Variants in WDR93 observed in about 807,000 individuals in gnomAD.
The protein encoded by WDR93 is WD repeat-containing protein 93.
A neutral mutation model predicts 82.9 loss-of-function variants in WDR93; 73 were observed. The observed-to-expected ratio is 0.88, with a 90% CI of 0.73 to 1.07. The LOEUF (loss-of-function observed/expected upper bound fraction) is 1.07, where lower values mean the gene tolerates loss of function less well. WDR93 is among the 50% of genes least tolerant of loss of function. The pLI, the probability that WDR93 is intolerant of heterozygous loss-of-function variation, is 0.00. For synonymous variants in WDR93, 283 were observed against 300.1 expected (o/e 0.94, Z 0.59); for missense variants, 738 against 826.0 (o/e 0.89, Z 1.31).
chr15:89,720,872 A>G (rs1051095921), intron 7 of WDR93, among the ~76,000 whole-genome samples: 8 of 152,164 alleles, frequency 5.3e-5, no homozygotes, highest in African/African-American at 1.9e-4. Flanking sequence ...TATCCTTACT[A>G]TATTCTTACT....
intron 8 of WDR93, among the ~76,000 whole-genome samples, chr15:89,726,020 G>T (rs1966724212): frequency 6.6e-6 from 1 of 152,188 alleles, no homozygotes; most frequent in Non-Finnish European, 1.5e-5. Flanking sequence ...CAACAATGAA[G>T]AGGATCTATA....
chr15:89,690,384 T>G (rs569215617), upstream of WDR93, among the ~76,000 whole-genome samples: 2 of 151,954 alleles, frequency 1.3e-5, no homozygotes. Context: ...GGGACGCGGG[T>G]GCGTTGGGCC....
At chr15:89,700,169 C>T (rs892556435) in intron 1 of WDR93, among the ~76,000 whole-genome samples, 2 of 152,120 alleles carry the variant, frequency 1.3e-5, no homozygotes, top group Non-Finnish European at 2.9e-5. Flanking sequence ...TTCCCACGAC[C>T]GAGGCAAGAT....
At chr15:89,705,150 T>C (rs756124855) in intron 3 of WDR93, 82 of 197,140 alleles carry the variant, frequency 4.2e-4, no homozygotes, top group Admixed American at 2.9e-3. Context: ...CAGTGAGCTA[T>C]GATCTTTCCC....
At chr15:89,706,413 C>T (rs1446792613) in intron 4 of WDR93, among the ~76,000 whole-genome samples, 1 of 151,958 alleles carries the variant, frequency 6.6e-6, no homozygotes, top group Admixed American at 6.6e-5. Flanking sequence ...CTGCCTCAGC[C>T]TCCCAAAGTA....
At position 89,722,106 on chromosome 15, in the gene WDR93, A is replaced by T; in HGVS notation, c.847A>T (p.Ile283Leu). The change falls in exon 8 of 17, where the codon ATA becomes TTA. Residue 283 changes from isoleucine to leucine, a missense_variant. Transcript: ENST00000268130. ...GDIKLSLPVY[I>L]MKIKPPKPVT... Reference sequence around the variant, plus strand: ...CATTAAATTGAGTCTTCCAGTTTACATAATGAAGATCAAACCACCTAAGCC... The same window carrying T: ...CATTAAATTGAGTCTTCCAGTTTACTTAATGAAGATCAAACCACCTAAGCC... 6.2e-7 allele frequency: 1 copy of T among 1,608,926 alleles called. No individual in the cohort carries two copies. Among genetic ancestry groups the T allele is most frequent in the Non-Finnish European group, 8.5e-7 (1 of 1,178,428 alleles).
intron 1 of WDR93, among the ~76,000 whole-genome samples, chr15:89,693,552 C>A (rs1272975678): frequency 6.6e-6 from 1 of 152,176 alleles, no homozygotes; most frequent in Non-Finnish European, 1.5e-5. Context: ...CCCTAAAAGT[C>A]TGAGAAAGCT....
At chr15:89,710,827 T>G (rs1220593582) in intron 4 of WDR93, among the ~76,000 whole-genome samples, 1 of 152,228 alleles carries the variant, frequency 6.6e-6, no homozygotes, top group Non-Finnish European at 1.5e-5. Flanking sequence ...TTCTGAAAAC[T>G]GATAAGGGAA....
At chr15:89,737,414 G>C (rs1967290739) in intron 14 of WDR93, among the ~76,000 whole-genome samples, 159 bp from the exon 15 acceptor site, 1 of 152,202 alleles carries the variant, frequency 6.6e-6, no homozygotes, top group African/African-American at 2.4e-5. Context: ...ACATGTGTGT[G>C]CAGGTCTCCA....
chr15:89,732,112 G>C (rs1295395596), intron 12 of WDR93, among the ~76,000 whole-genome samples: 1 of 152,188 alleles, frequency 6.6e-6, no homozygotes, highest in Non-Finnish European at 1.5e-5. Flanking sequence ...CAATGATATT[G>C]CTTCCTAAAT....
rs373621262 is a variant in WDR93 at position 89,727,345 on chromosome 15, C to T, written c.1052+17C>T. On this transcript the variant is annotated intron_variant, in intron 9 of 16. Coordinates refer to ENST00000268130, the MANE Select transcript of WDR93 (RefSeq NM_020212.2). ...GCCACTCAGGTGAGCCTCCTAATCC[C>T]GGGAAAGCCAGGGAGCATCCCCAGG... The T allele has an allele frequency of 6.1e-5, 98 of 1,611,818 alleles. No individual in the cohort carries two copies. In the African/African-American group the frequency reaches 8.5e-4, roughly 14 times the overall value.
Position 89,738,118 on chromosome 15 carries a change from T to A in WDR93, c.1843T>A (p.Cys615Ser). 6.2e-7 allele frequency: 1 copy of A among 1,614,070 alleles called. No individual in the cohort carries two copies. The highest frequency in any genetic ancestry group is 8.5e-7 in the Non-Finnish European group (1 of 1,179,938). ...TGTTTTCTATTTTAATTTTGAGGCCTGCCCACTCCTGGAAAATATCTCAAA... is the reference window on the plus strand; with the variant it reads ...TGTTTTCTATTTTAATTTTGAGGCCAGCCCACTCCTGGAAAATATCTCAAA... ...YSVFYFNFEA[C>S]PLLENISKNC... The change falls in exon 16 of 17, where the codon TGC becomes AGC. Residue 615 changes from cysteine (C) to serine (S), a missense_variant. Transcript: ENST00000268130.
chr15:89,732,451 T>A (rs1175545990), intron 12 of WDR93, among the ~76,000 whole-genome samples: 1 of 152,180 alleles, frequency 6.6e-6, no homozygotes, highest in Non-Finnish European at 1.5e-5. Context: ...ACTGCTAAGA[T>A]AAACACCACT....
chr15:89,729,163 C>T (rs972393360), intron 10 of WDR93, 70 bp downstream of exon 10: 4 of 1,417,624 alleles, frequency 2.8e-6, no homozygotes, highest in South Asian at 2.3e-5. Flanking sequence ...AGCAAGCCCC[C>T]ACAGAGATGT....
At chr15:89,718,258 G>A (rs565091125) in intron 7 of WDR93, among the ~76,000 whole-genome samples, 37 of 149,514 alleles carry the variant, frequency 2.5e-4, no homozygotes, top group Admixed American at 6.0e-4. Context: ...GGTGGATCAC[G>A]AGGTCAGGAG....
chr15:89,715,447 T>C (rs773572499), intron 6 of WDR93, among the ~76,000 whole-genome samples: 1 of 152,140 alleles, frequency 6.6e-6, no homozygotes. Context: ...TCAAATTCCA[T>C]TAAATTTTTC....
At chr15:89,704,246 T>C (rs1176098731) in intron 3 of WDR93, 2 of 151,766 alleles carry the variant, frequency 1.3e-5, no homozygotes, top group African/African-American at 4.8e-5. Context: ...GAGAATTGCT[T>C]GAACCCAGGA....
chr15:89,727,937 C>T lies in WDR93; in HGVS notation c.1052+609C>T, dbSNP rs543003154. ...CTCTACTAAAAATACAACAATTAGCCGGGCATGGTGGCGGGCACCTGTAAT... is the reference window on the plus strand; with the variant it reads ...CTCTACTAAAAATACAACAATTAGCTGGGCATGGTGGCGGGCACCTGTAAT... On this transcript the variant is annotated intron_variant, in intron 9 of 16. Transcript: ENST00000268130. Among the ~76,000 whole-genome samples the T allele has an allele frequency of 6.6e-5, 10 of 152,016 alleles. No homozygotes were observed. The East Asian group carries it at 9.7e-4, about 15-fold the overall frequency.
intron 16 of WDR93, among the ~76,000 whole-genome samples, chr15:89,740,942 C>G (rs1374680669): frequency 6.6e-6 from 1 of 152,016 alleles, no homozygotes; most frequent in Non-Finnish European, 1.5e-5. Context: ...GCGTTCGAGA[C>G]CAGGCTGGCC....
Sources: gnomAD v4.1 joint callset for allele counts (sites outside exome capture counted in the v4.1 genomes callset) on GRCh38, gnomAD v4.1.1 for gene constraint, MANE v1.5 for transcripts, NCBI Gene and HGNC (gene_info 2026-07-23, HGNC 2026-07-21) for gene names.